The following VPS13C variants were observed in gnomAD, a reference collection of about 807,000 sequenced individuals.
VPS13C encodes intermembrane lipid transfer protein VPS13C.
In VPS13C, 358 loss-of-function variants were observed where a neutral mutation model predicts 456.8. That is an observed-to-expected ratio of 0.78 (90% confidence interval 0.72 to 0.86). The LOEUF is 0.86. Ranked by LOEUF, VPS13C falls within the 40% of genes least tolerant of loss-of-function variation. VPS13C has a pLI of 0.00. For synonymous variants in VPS13C, 1,578 were observed against 1,486.7 expected (o/e 1.06, Z -1.41); for missense variants, 4,818 against 4,385.4 (o/e 1.10, Z -2.79).
chr15:61,912,596 T>C (rs2043332473), intron 62 of VPS13C, among the ~76,000 whole-genome samples: 1 of 151,914 alleles, frequency 6.6e-6, no homozygotes, highest in Non-Finnish European at 1.5e-5. Context: ...CCCTCCACAT[T>C]ATCACTTGAA....
intron 15 of VPS13C, 123 bp downstream of exon 15, chr15:62,007,185 C>T (rs1030462082): frequency 1.2e-6 from 1 of 868,242 alleles, no homozygotes; most frequent in Non-Finnish European, 1.5e-6. Context: ...CCACATAATT[C>T]TCTCTCAAAA....
chr15:61,885,609 T>TA (rs1387099583), intron 67 of VPS13C, among the ~76,000 whole-genome samples: 1 of 152,160 alleles, frequency 6.6e-6, no homozygotes, highest in Admixed American at 6.5e-5. Flanking sequence ...TATTTGACAC[T>TA]AATGGTTTGG....
At chr15:61,918,320 A>T in intron 58 of VPS13C, 63 bp from the exon 59 acceptor site, 1 of 1,380,330 alleles carries the variant, frequency 7.2e-7, no homozygotes. Context: ...AAAAAATGAG[A>T]GCCACAAACA....
chr15:62,006,213 C>G (rs984620973), intron 15 of VPS13C, among the ~76,000 whole-genome samples: 3 of 151,902 alleles, frequency 2.0e-5, no homozygotes, highest in African/African-American at 7.3e-5. Flanking sequence ...ATTAACTCAT[C>G]ATTTAGCATT....
rs772530479 is a variant in VPS13C at position 62,012,065 on chromosome 15, G to C, written c.883+42C>G. On this transcript the variant is annotated intron_variant, in intron 12 of 84. Coordinates refer to ENST00000644861, the MANE Select transcript of VPS13C (RefSeq NM_020821.3). Reference sequence around the variant, plus strand: ...GTTAAAATAATGTATTTAATTCTATGTTTCTTCCTATAACATGAAATAAAC... The same window carrying C: ...GTTAAAATAATGTATTTAATTCTATCTTTCTTCCTATAACATGAAATAAAC... 6 of 1,196,986 alleles carry C rather than the reference G, an allele frequency of 5.0e-6. No homozygotes were observed. The African/African-American group carries it at 7.7e-5, about 15-fold the overall frequency. 74.1% of individuals were successfully genotyped at this position (1,196,986 alleles called of 1,614,324 possible).
intron 1 of VPS13C, among the ~76,000 whole-genome samples, chr15:62,051,861 T>C (rs1403804426): frequency 6.6e-6 from 1 of 152,210 alleles, no homozygotes; most frequent in Non-Finnish European, 1.5e-5. Context: ...TTAGTACTTT[T>C]TAAAAATCTA....
At chr15:62,037,197 A>T (rs1337493909) in intron 3 of VPS13C, among the ~76,000 whole-genome samples, 3 of 114,202 alleles carry the variant, frequency 2.6e-5, no homozygotes, top group Admixed American at 2.5e-4. Flanking sequence ...AAATATAATA[A>T]ATATAATATA....
In VPS13C at chr15:61,868,707, G is replaced by C. The variant is rs1251732229; in HGVS notation, c.10815C>G (p.Ile3605Met). 4.3e-6 allele frequency: 7 copies of C among 1,614,014 alleles called. No homozygotes were observed. The highest frequency in any genetic ancestry group is 1.3e-5 in the African/African-American group (1 of 74,926). The change falls in exon 81 of 85, where the codon ATC becomes ATG. Residue 3605 changes from isoleucine (I) to methionine (M), a missense_variant. Ile to Met is a conservative substitution (Grantham distance 10, BLOSUM62 1). This residue lies in a region of VPS13C where 261 missense variants were observed against 234.1 expected (regional missense o/e 1.11). Transcript: ENST00000644861. ...ATTCCTGTCTGTCATAAGGACGAAT[G>C]ATGCCATCTTCATGGATCAGGCGAG... ...RPPRLIHEDG[I>M]IRPYDRQESE...
At position 61,922,717 on chromosome 15, in the gene VPS13C, A is replaced by G. The variant is rs1344071377; in HGVS notation, c.6655T>C (p.Leu2219=). ...LNTVLTIMAA[L]SPKTKEDGSK... ...CCATCTTCTTTTGTTTTTGGAGACA[A>G]TGCAGCCATGATTGTCAACACAGTA... Residue 2219 remains leucine, a synonymous_variant, in exon 54 of 85, where the codon TTG becomes CTG. Coordinates refer to ENST00000644861, the MANE Select transcript of VPS13C (RefSeq NM_020821.3). 1 of 1,613,458 alleles carries G rather than the reference A, an allele frequency of 6.2e-7. No homozygotes were observed. The highest frequency in any genetic ancestry group is 1.7e-5 in the Admixed American group (1 of 59,954).
In VPS13C at chr15:61,858,850, TG is replaced by T. The variant is rs1249617938; in HGVS notation, c.10953-2442del. Among the ~76,000 whole-genome samples, 1 of 152,194 alleles carries T rather than the reference TG, an allele frequency of 6.6e-6. No individual in the cohort carries two copies. The highest frequency in any genetic ancestry group is 1.5e-5 in the Non-Finnish European group (1 of 68,026). On this transcript the variant is annotated intron_variant, in intron 82 of 84. Transcript: ENST00000644861. This position sits in a 1 kb window ranked among gnomAD's most constrained non-coding sequence, Gnocchi z 4.4. ...AGCAAATGAGCTTGGAAGTGGATTC[TG>T]TGGTAATTTGTTGTGCAGCAATACA...
chr15:61,964,707 A>T lies in VPS13C; in HGVS notation c.3206T>A (p.Leu1069Gln). The T allele has an allele frequency of 6.3e-7, 1 of 1,599,984 alleles. No individual in the cohort carries two copies. The highest frequency in any genetic ancestry group is 8.5e-7 in the Non-Finnish European group (1 of 1,175,822). Residue 1069 changes from leucine (L) to glutamine (Q), a missense_variant, in exon 31 of 85, where the codon CTG becomes CAG. This residue lies in a region of VPS13C where 4,552 missense variants were observed against 4,130.6 expected (regional missense o/e 1.10). Coordinates refer to ENST00000644861, the MANE Select transcript of VPS13C (RefSeq NM_020821.3). ...AAATGTATGTTTCATACCTTTTGGC[A>T]GAGTTGAATTTTTTTGTTGTTTTTC... ...STEKQQKNST[L>Q]PKAIVSSRDS...
chr15:61,982,478 A>C lies in VPS13C; in HGVS notation c.2010T>G (p.Ile670Met), dbSNP rs2045916416. The C allele has an allele frequency of 1.2e-6, 2 of 1,608,054 alleles. No homozygotes were observed. Among genetic ancestry groups the C allele is most frequent in the Non-Finnish European group, 8.5e-7 (1 of 1,178,148 alleles). ...TSATLMKLEE[I>M]KERTATGLTH... is the part of the protein sequence containing the mutation. ...CTTCACCTGTAGCTGTTCTCTCCTT[A>C]ATTTCTTCCAGCTTCATCAATGTTG... Residue 670 changes from isoleucine (I) to methionine (M), a missense_variant, in exon 21 of 85, where the codon ATT (isoleucine) becomes ATG (methionine). By Grantham distance (10) the Ile-to-Met change is conservative. Coordinates refer to ENST00000644861, the MANE Select transcript of VPS13C (RefSeq NM_020821.3).
intron 73 of VPS13C, among the ~76,000 whole-genome samples, chr15:61,880,242 T>A (rs1430474588): frequency 6.6e-6 from 1 of 152,110 alleles, no homozygotes; most frequent in Non-Finnish European, 1.5e-5. Flanking sequence ...TACTTCAGCG[T>A]TTTCACATTC....
At chr15:61,959,683 C>T (rs1320990646) in intron 35 of VPS13C, 88 bp from the exon 36 acceptor site, 2 of 1,370,304 alleles carry the variant, frequency 1.5e-6, no homozygotes, top group Non-Finnish European at 2.0e-6. Flanking sequence ...CAGTTATTTG[C>T]TGCTCTAAAT....
chr15:61,981,735 C>T (rs1596416844), intron 21 of VPS13C, among the ~76,000 whole-genome samples: 1 of 151,998 alleles, frequency 6.6e-6, no homozygotes, highest in Non-Finnish European at 1.5e-5. Flanking sequence ...TGGTGGCGGG[C>T]GCCTGCAGCC....
intron 5 of VPS13C, among the ~76,000 whole-genome samples, chr15:62,033,000 C>A (rs913390280): frequency 6.6e-6 from 1 of 151,370 alleles, no homozygotes; most frequent in Non-Finnish European, 1.5e-5. Context: ...ATATCCTGTA[C>A]AACACGAAGG....
At chr15:62,031,167 T>C (rs987658108) in intron 5 of VPS13C, among the ~76,000 whole-genome samples, 4 of 152,094 alleles carry the variant, frequency 2.6e-5, no homozygotes, top group African/African-American at 7.2e-5. Context: ...TATACGATAG[T>C]GGGAAACAAT....
intron 81 of VPS13C, chr15:61,863,843 A>C (rs11635880): frequency 0.07 from 14,193 of 203,762 alleles, 563 homozygotes; most frequent in Middle Eastern, 0.081. Flanking sequence ...TAATTAAGAA[A>C]CATATGCTAA....
chr15:62,020,045 A>G (rs1271449707), intron 9 of VPS13C, among the ~76,000 whole-genome samples: 1 of 151,508 alleles, frequency 6.6e-6, no homozygotes, highest in Non-Finnish European at 1.5e-5. Context: ...AACTCATTAT[A>G]AAATAATCAA....
Sources: allele counts gnomAD v4.1 joint callset (sites outside exome capture counted in the v4.1 genomes callset), GRCh38; gene constraint gnomAD v4.1.1; regional missense constraint gnomAD v4.1.1; non-coding constraint Gnocchi (gnomAD v3.1); transcripts MANE v1.5; gene names NCBI Gene and HGNC (gene_info 2026-07-23, HGNC 2026-07-21).